The following GNA11 variants were observed in gnomAD, a reference collection of about 807,000 sequenced individuals.
The protein encoded by GNA11 is G protein subunit alpha 11, also known as guanine nucleotide-binding protein subunit alpha-11.
A neutral mutation model predicts 38.2 loss-of-function variants in GNA11; 8 were observed. The ratio of observed to expected loss-of-function variants is 0.21; its 90% CI spans 0.12 to 0.38. GNA11 has a LOEUF of 0.38. Ranked by LOEUF, GNA11 falls within the 10% of genes least tolerant of loss-of-function variation. The pLI is 1.00. For missense variants in GNA11, 268 were observed against 516.3 expected, an observed-to-expected ratio of 0.52 and a Z score of 4.66; for synonymous variants, 211 against 221.4, an observed-to-expected ratio of 0.95 and a Z score of 0.42.
At chr19:3,096,979 C>T (rs1913386861) in intron 1 of GNA11, among the ~76,000 whole-genome samples, 1 of 152,180 alleles carries the variant, frequency 6.6e-6, no homozygotes, top group South Asian at 2.1e-4. Flanking sequence ...AGCAACCTTG[C>T]ATCCCAGCTG....
rs2145300342 is a variant in GNA11, at chr19:3,094,714, C to T, written c.63C>T (p.Ile21=). The change falls in exon 1 of 7, where the codon ATC becomes ATT. Residue 21 remains isoleucine (I), a synonymous_variant. Coordinates refer to ENST00000078429, the MANE Select transcript of GNA11 (RefSeq NM_002067.5). The surrounding 1 kb of genome is among the most constrained non-coding windows in gnomAD (Gnocchi z 6.0). ...ATGAGGTGAAGGAGTCCAAGCGGAT[C>T]AACGCCGAGATCGAGAAGCAGCTGC... The part of the protein sequence containing the change: ...LSDEVKESKR[I]NAEIEKQLRR... The T allele has an allele frequency of 6.3e-7, 1 of 1,588,986 alleles. No individual in the cohort carries two copies. The highest frequency in any genetic ancestry group is 8.6e-7 in the Non-Finnish European group (1 of 1,169,446).
At position 3,121,008 on chromosome 19, in the gene GNA11, G is replaced by C; in HGVS notation, c.909G>C (p.Gln303His). 1 of 1,613,288 alleles carries C rather than the reference G, an allele frequency of 6.2e-7. No homozygotes were observed. The highest frequency in any genetic ancestry group is 8.5e-7 in the Non-Finnish European group (1 of 1,179,622). ...CCCCAGGTCCCCAGCGGGACGCCCA[G>C]GCGGCGCGGGAGTTCATCCTGAAGA... ...PEFDGPQRDA[Q>H]AAREFILKMF... Residue 303 changes from glutamine (Q) to histidine (H), a missense_variant, in exon 7 of 7, where the codon CAG (glutamine) becomes CAC (histidine). Transcript: ENST00000078429.
chr19:3,107,452 G>C (rs1461959334), intron 1 of GNA11, among the ~76,000 whole-genome samples: 1 of 152,186 alleles, frequency 6.6e-6, no homozygotes, highest in Non-Finnish European at 1.5e-5. Context: ...CTTCTGACCC[G>C]AGTGCAGGGC....
rs1229961555 is a variant in GNA11 at position 3,108,396 on chromosome 19, C to T, written c.137-1753C>T. ...CTGTGAGAGGAAGTGAGCTGGGTCC[C>T]AGCACCAGGCAGCCTTTAGGCAGCT... On this transcript the variant is annotated intron_variant, in intron 1 of 6. Coordinates refer to ENST00000078429, the MANE Select transcript of GNA11 (RefSeq NM_002067.5). This position sits in a 1 kb window ranked among gnomAD's most constrained non-coding sequence, Gnocchi z 4.5. Among the ~76,000 whole-genome samples, 9 of 152,162 alleles carry T rather than the reference C, an allele frequency of 5.9e-5. No homozygotes were observed. The highest frequency in any genetic ancestry group is 1.9e-4 in the African/African-American group (8 of 41,430).
chr19:3,121,267 G>A lies in GNA11; in HGVS notation c.*88G>A, dbSNP rs1489890917. On this transcript the variant is annotated 3_prime_UTR_variant, in exon 7 of 7. Transcript: ENST00000078429. ...CGGCTGCCGGGCGGGTGGCGCTGCC[G>A]AGTCCGGGCCGGGGCCTCTGCCCGC... 3.8e-5 allele frequency: 38 copies of A among 1,005,052 alleles called. 1 individual carries two copies. The highest frequency in any genetic ancestry group is 3.2e-4 in the South Asian group (21 of 66,452). The allele number at this position is 1,005,052 out of a possible 1,614,324, so 62.3% of individuals were successfully genotyped here.
At chr19:3,101,421 G>A (rs1913504439) in intron 1 of GNA11, among the ~76,000 whole-genome samples, 1 of 152,142 alleles carries the variant, frequency 6.6e-6, no homozygotes, top group South Asian at 2.1e-4. Context: ...GGACTGTGGG[G>A]CCGGGTCCAC....
chr19:3,115,714 C>T (rs558865010), intron 4 of GNA11, among the ~76,000 whole-genome samples: 1 of 121,986 alleles, frequency 8.2e-6, no homozygotes, highest in Admixed American at 9.1e-5. Flanking sequence ...CTGAGGCTGC[C>T]AGGGGAGGGG....
chr19:3,105,444 G>A (rs569181295), intron 1 of GNA11, among the ~76,000 whole-genome samples: 128 of 151,324 alleles, frequency 8.5e-4, no homozygotes, highest in Middle Eastern at 3.4e-3. Context: ...AGACAGCGGC[G>A]CTGTGGATTT....
rs373284243 is a variant in GNA11 at position 3,119,406 on chromosome 19, CT to C, written c.889+48del. On this transcript the variant is annotated intron_variant, in intron 6 of 6. Transcript: ENST00000078429. This position sits in a 1 kb window ranked among gnomAD's most constrained non-coding sequence, Gnocchi z 4.6. ...GGAGGGGCTCGCGGGCAGGGCCTTA[CT>C]GGGGGGAGGGGGCTGATATGGGAGA... The C allele has an allele frequency of 2.5e-4, 384 of 1,545,378 alleles. 2 individuals are homozygous for C. Among genetic ancestry groups the C allele is most frequent in the Middle Eastern group, 6.8e-4 (4 of 5,854 alleles).
chr19:3,097,572 C>G (rs552363432), intron 1 of GNA11, among the ~76,000 whole-genome samples: 1 of 152,230 alleles, frequency 6.6e-6, no homozygotes, highest in Non-Finnish European at 1.5e-5. Flanking sequence ...AAGAACGCCG[C>G]GTCTGCTCGC....
At position 3,121,252 on chromosome 19, in the gene GNA11, G is replaced by A; in HGVS notation, c.*73G>A. 8.0e-7 allele frequency: 1 copy of A among 1,248,698 alleles called. No homozygotes were observed. The highest frequency in any genetic ancestry group is 2.5e-5 in the East Asian group (1 of 39,490). The allele number at this position is 1,248,698 out of a possible 1,614,324, so 77.4% of individuals were successfully genotyped here. On this transcript the variant is annotated 3_prime_UTR_variant, in exon 7 of 7. Coordinates refer to ENST00000078429, the MANE Select transcript of GNA11 (RefSeq NM_002067.5). ...CTTCCACGGAGCCTGCGGCTGCCGG[G>A]CGGGTGGCGCTGCCGAGTCCGGGCC... is the stretch of plus-strand genomic sequence containing the variant.
chr19:3,098,281 C>T (rs996082131), intron 1 of GNA11, among the ~76,000 whole-genome samples: 1 of 152,242 alleles, frequency 6.6e-6, no homozygotes, highest in Non-Finnish European at 1.5e-5. Context: ...ACACGCTGCT[C>T]CCGCCTCCGT....
At position 3,113,476 on chromosome 19, in the gene GNA11, T is replaced by C. The variant is rs1913831095; in HGVS notation, c.468T>C (p.Ser156=). ...DRRREYQLSD[S]AKYYLTDVDR... ...GGCGCGAGTACCAGCTCTCCGACTC[T>C]GCCAAGTAGTAAGTGCGGCCGCACC... Residue 156 remains serine, a synonymous_variant, in exon 3 of 7, where the codon TCT becomes TCC. Coordinates refer to ENST00000078429, the MANE Select transcript of GNA11 (RefSeq NM_002067.5). 6.3e-7 allele frequency: 1 copy of C among 1,598,818 alleles called. No individual in the cohort carries two copies. The highest frequency in any genetic ancestry group is 8.5e-7 in the Non-Finnish European group (1 of 1,170,614).
Position 3,100,049 on chromosome 19 carries a change from C to T in GNA11, c.136+5262C>T, listed in dbSNP as rs187075596. On this transcript the variant is annotated intron_variant, in intron 1 of 6. Transcript: ENST00000078429. ...CGCTGCCGGTGTGGTGATATCTTGT[C>T]GCGTCCACAGCACCTGGCGTGTGTG... 7.2e-3 allele frequency among the ~76,000 whole-genome samples: 1,101 copies of T among 152,304 alleles called. 1 individual carries two copies. Among genetic ancestry groups the T allele is most frequent in the Non-Finnish European group, 0.011 (731 of 68,014 alleles).
rs540731103 is a variant in GNA11, at chr19:3,114,843, C to A, written c.477-101C>A. ...GGTGGCGCAGTGCGCGGTCCACCCC[C>A]TCCTGGTGGCTTTCCGTCCTCCCGC... On this transcript the variant is annotated intron_variant, in intron 3 of 6. Transcript: ENST00000078429. 147 of 1,190,762 alleles carry A rather than the reference C, an allele frequency of 1.2e-4. No homozygotes were observed. In the African/African-American group the frequency reaches 1.9e-3, roughly 16 times the overall value. 73.8% of individuals were successfully genotyped at this position (1,190,762 alleles called of 1,614,324 possible).
chr19:3,121,467 A>AAAGAAAG lies in GNA11; in HGVS notation c.*290_*291insGAAAGAA. On this transcript the variant is annotated 3_prime_UTR_variant, in exon 7 of 7. Transcript: ENST00000078429. Reference sequence around the variant, plus strand: ...CTCGCTTTTTTCTAAAAAAAAAAAAAAAAGAAAGAAAGAAAAAAAGCAACG... The same window carrying AAAGAAAG: ...CTCGCTTTTTTCTAAAAAAAAAAAAAAAGAAAGAAAGAAAGAAAGAAAAAAAGCAACG... The AAAGAAAG allele has an allele frequency of 8.1e-5, 20 of 248,420 alleles. No individual in the cohort carries two copies. The highest frequency in any genetic ancestry group is 1.5e-4 in the Non-Finnish European group (19 of 128,766). 15.4% of individuals were successfully genotyped at this position (248,420 alleles called of 1,614,324 possible).
intron 1 of GNA11, among the ~76,000 whole-genome samples, chr19:3,105,442 G>A (rs1229419402): frequency 6.6e-6 from 1 of 151,300 alleles, no homozygotes; most frequent in Non-Finnish European, 1.5e-5. Context: ...ATAGACAGCG[G>A]CGCTGTGGAT....
intron 4 of GNA11, among the ~76,000 whole-genome samples, chr19:3,116,779 A>G (rs1002368337): frequency 3.3e-5 from 5 of 152,226 alleles, no homozygotes; most frequent in Admixed American, 3.3e-4. Flanking sequence ...ACTGGCCCTC[A>G]TGAGGGAATG....
rs1599309586 is a variant in GNA11 at position 3,122,306 on chromosome 19, C to T, written c.*1127C>T. ...TGCGTGGCCTTGTCCCAAGCACTTG[C>T]GCCCGCCCCCGAGCGCCGCCCCCGG... is the stretch of plus-strand genomic sequence containing the variant. On this transcript the variant is annotated 3_prime_UTR_variant, in exon 7 of 7. Transcript: ENST00000078429. This position sits in a 1 kb window ranked among gnomAD's most constrained non-coding sequence, Gnocchi z 7.7. 7 of 232,534 alleles carry T rather than the reference C, an allele frequency of 3.0e-5. No homozygotes were observed. Among genetic ancestry groups the T allele is most frequent in the Admixed American group, 1.1e-4 (2 of 17,762 alleles). The allele number at this position is 232,534 out of a possible 1,614,324, so 14.4% of individuals were successfully genotyped here. A position where few individuals can be genotyped will look rare whatever the true frequency, so the allele number is the denominator to read the frequency against.
Sources: allele counts gnomAD v4.1 joint callset (sites outside exome capture counted in the v4.1 genomes callset), GRCh38; gene constraint gnomAD v4.1.1; non-coding constraint Gnocchi (gnomAD v3.1); transcripts MANE v1.5; gene names NCBI Gene and HGNC (gene_info 2026-07-23, HGNC 2026-07-21).